Variants in ZNF365 observed in about 807,000 individuals in gnomAD.
ZNF365 encodes zinc finger protein 365.
A neutral mutation model predicts 35.0 loss-of-function variants in ZNF365; 22 were observed. The ratio of observed to expected loss-of-function variants is 0.63; its 90% CI spans 0.45 to 0.90. The LOEUF (loss-of-function observed/expected upper bound fraction) is 0.90. ZNF365 is among the 40% of genes least tolerant of loss of function. ZNF365 has a pLI of 0.00. For synonymous variants in ZNF365, 188 were observed against 196.2 expected (o/e 0.96, Z 0.35); for missense variants, 448 against 500.3 (o/e 0.90, Z 1.00).
chr10:62,415,480 T>C (rs1012356680), intron 3 of ZNF365, among the ~76,000 whole-genome samples: 25 of 152,156 alleles, frequency 1.6e-4, no homozygotes, highest in Non-Finnish European at 3.4e-4. Context: ...GTGTGTTCAT[T>C]GGGCTCTCTC....
In ZNF365 at chr10:62,376,517, T is replaced by C; in HGVS notation, c.324T>C (p.His108=). ...YVNLYSISHE[H]SKDRKPFEVV... The stretch of plus-strand genomic sequence containing the variant: ...ACTTGTACAGCATTTCACATGAACA[T>C]TCCAAGGACAGGAAGCCATTTGAGG... Residue 108 remains histidine (H), a synonymous_variant, in exon 2 of 5, where the codon CAT becomes CAC. Coordinates refer to ENST00000395254, the MANE Select transcript of ZNF365 (RefSeq NM_014951.3). The C allele has an allele frequency of 1.2e-6, 2 of 1,614,108 alleles. No homozygotes were observed. The highest frequency in any genetic ancestry group is 1.7e-6 in the Non-Finnish European group (2 of 1,180,024).
At chr10:62,388,310 T>C in intron 2 of ZNF365, 86 bp from the exon 3 acceptor site, 1 of 1,479,994 alleles carries the variant, frequency 6.8e-7, no homozygotes, top group Non-Finnish European at 9.3e-7. Context: ...AACTGACAAA[T>C]AGTAGGCACT....
At chr10:62,445,602 G>A (rs1370141401) in intron 3 of ZNF365, among the ~76,000 whole-genome samples, 4 of 152,152 alleles carry the variant, frequency 2.6e-5, no homozygotes, top group Non-Finnish European at 4.4e-5. Flanking sequence ...CTAGAGTGAG[G>A]TTTTACAGTT....
chr10:62,414,999 T>TCTTCTGG, intron 3 of ZNF365, among the ~76,000 whole-genome samples: 1 of 152,130 alleles, frequency 6.6e-6, no homozygotes, highest in African/African-American at 2.4e-5. Context: ...AGATGTTACA[T>TCTTCTGG]TTTTAAAATC....
intron 3 of ZNF365, among the ~76,000 whole-genome samples, chr10:62,396,999 A>T (rs1839738932): frequency 6.6e-6 from 1 of 152,238 alleles, no homozygotes; most frequent in Non-Finnish European, 1.5e-5. Context: ...AGAAATACTT[A>T]TTGGTGATGG....
chr10:62,379,024 AT>A (rs35163241), intron 2 of ZNF365, among the ~76,000 whole-genome samples: 233 of 138,916 alleles, frequency 1.7e-3, no homozygotes, highest in Middle Eastern at 3.7e-3. Flanking sequence ...TTACGAGTTG[AT>A]TTTTTTTTTT....
chr10:62,451,715 G>C (rs568842640), intron 3 of ZNF365, among the ~76,000 whole-genome samples: 2 of 152,298 alleles, frequency 1.3e-5, no homozygotes, highest in Non-Finnish European at 2.9e-5. Context: ...GCCCCACCCA[G>C]CTCAATAATG....
rs1332465353 is a variant in ZNF365 at position 62,378,362 on chromosome 10, G to A, written c.743+1426G>A. 6.6e-5 allele frequency among the ~76,000 whole-genome samples: 10 copies of A among 152,298 alleles called. No homozygotes were observed. In the East Asian group the frequency reaches 1.9e-3, roughly 29 times the overall value. On this transcript the variant is annotated intron_variant, in intron 2 of 4. Coordinates refer to ENST00000395254, the MANE Select transcript of ZNF365 (RefSeq NM_014951.3). The stretch of plus-strand genomic sequence containing the variant: ...ATTAATTTTTTGAACTTATTTATTT[G>A]TTGTATTTTACTAATTAATTACACG...
intron 2 of ZNF365, among the ~76,000 whole-genome samples, chr10:62,386,308 G>A (rs1234730149): frequency 2.0e-5 from 3 of 152,064 alleles, no homozygotes; most frequent in Non-Finnish European, 4.4e-5. Context: ...CTTCTATTGA[G>A]GGCTAATATG....
At chr10:62,374,624 C>T (rs1589422233) in intron 1 of ZNF365, among the ~76,000 whole-genome samples, 166 bp downstream of exon 1, 1 of 152,276 alleles carries the variant, frequency 6.6e-6, no homozygotes, top group South Asian at 2.1e-4. Context: ...CGAATCCACT[C>T]TGGCACCCGT....
At chr10:62,460,114 G>T (rs1840823513) in intron 4 of ZNF365, among the ~76,000 whole-genome samples, 1 of 152,164 alleles carries the variant, frequency 6.6e-6, no homozygotes, top group East Asian at 1.9e-4. Flanking sequence ...TCTTGAGAGG[G>T]GCCATATCAC....
intron 3 of ZNF365, among the ~76,000 whole-genome samples, chr10:62,437,524 GA>G (rs959396960): frequency 6.6e-6 from 1 of 152,166 alleles, no homozygotes; most frequent in African/African-American, 2.4e-5. Context: ...TGTAATGACG[GA>G]AGCAGACAAA....
At chr10:62,387,321 G>A (rs1839542085) in intron 2 of ZNF365, among the ~76,000 whole-genome samples, 1 of 152,050 alleles carries the variant, frequency 6.6e-6, no homozygotes, top group South Asian at 2.1e-4. Flanking sequence ...GTGTGTTTGG[G>A]GATGAGTTTG....
At chr10:62,465,651 T>G (rs528583520) in intron 4 of ZNF365, among the ~76,000 whole-genome samples, 1 of 152,308 alleles carries the variant, frequency 6.6e-6, no homozygotes, top group Non-Finnish European at 1.5e-5. Flanking sequence ...GGATAGAGGC[T>G]ACCCACTTTG....
intron 3 of ZNF365, among the ~76,000 whole-genome samples, chr10:62,422,718 A>C (rs1840191193): frequency 6.6e-6 from 1 of 152,162 alleles, no homozygotes; most frequent in Non-Finnish European, 1.5e-5. Flanking sequence ...GTAGAGACTG[A>C]ATGCCATACC....
At chr10:62,429,173 G>A (rs79654696) in intron 3 of ZNF365, among the ~76,000 whole-genome samples, 1 of 152,178 alleles carries the variant, frequency 6.6e-6, no homozygotes, top group African/African-American at 2.4e-5. Context: ...AACCAGGGAT[G>A]CATAGAGAAA....
At chr10:62,440,868 T>C (rs1018652289) in intron 3 of ZNF365, among the ~76,000 whole-genome samples, 4 of 152,150 alleles carry the variant, frequency 2.6e-5, no homozygotes, top group Non-Finnish European at 5.9e-5. Context: ...AGATATTTAG[T>C]AAATAACAGA....
At chr10:62,429,131 G>A (rs909247336) in intron 3 of ZNF365, among the ~76,000 whole-genome samples, 7 of 152,124 alleles carry the variant, frequency 4.6e-5, no homozygotes, top group East Asian at 1.9e-4. Flanking sequence ...CAGGGTTTTA[G>A]TTCTCCATGG....
intron 2 of ZNF365, among the ~76,000 whole-genome samples, chr10:62,383,313 G>A (rs1191478693): frequency 2.0e-5 from 3 of 152,172 alleles, no homozygotes; most frequent in African/African-American, 7.2e-5. Context: ...TGTGCATGGT[G>A]ATAAGGTACA....
Sources: allele counts gnomAD v4.1 joint callset (sites outside exome capture counted in the v4.1 genomes callset), GRCh38; gene constraint gnomAD v4.1.1; transcripts MANE v1.5; gene names NCBI Gene and HGNC (gene_info 2026-07-23, HGNC 2026-07-21).